Variants in MFSD12 observed in about 807,000 individuals in gnomAD.
MFSD12 encodes the protein major facilitator superfamily domain containing 12, also known as major facilitator superfamily domain-containing protein 12.
Under a neutral mutation model 51.2 loss-of-function variants are expected in MFSD12, and 67 were observed. That is an observed-to-expected ratio of 1.31 (90% CI 1.08 to 1.60). The LOEUF (loss-of-function observed/expected upper bound fraction) is 1.60, where lower values mean the gene tolerates loss of function less well. Ranked by LOEUF, MFSD12 falls within the 40% of genes most tolerant of loss-of-function variation. MFSD12 has a pLI of 0.00. For synonymous variants in MFSD12, 441 were observed against 316.7 expected (o/e 1.39, Z -4.17); for missense variants, 921 against 673.0 (o/e 1.37, Z -4.08).
At chr19:3,548,804 A>T (rs2031280893) in intron 2 of MFSD12, among the ~76,000 whole-genome samples, 1 of 152,210 alleles carries the variant, frequency 6.6e-6, no homozygotes, top group South Asian at 2.1e-4. Flanking sequence ...AATGGCACGT[A>T]GGAAGTGCCT....
Position 3,547,994 on chromosome 19 carries a change from A to G in MFSD12, c.691T>C (p.Phe231Leu). 6.3e-7 allele frequency: 1 copy of G among 1,598,926 alleles called. No homozygotes were observed. The highest frequency in any genetic ancestry group is 8.5e-7 in the Non-Finnish European group (1 of 1,179,344). The change falls in exon 4 of 10, where the codon TTC becomes CTC. Residue 231 changes from phenylalanine (F) to leucine (L), a missense_variant. Phe to Leu is a conservative substitution (Grantham distance 22, BLOSUM62 0). Coordinates refer to ENST00000355415, the MANE Select transcript of MFSD12 (RefSeq NM_174983.5). ...GTGCCCAGGTGGAATAGCAGTGAGA[A>G]CACGGCGCCGACACCCACCACCAGC... ...SLLVVGVGAV[F>L]SLLFHLGTRE...
At chr19:3,544,769 G>A (rs370237600) in intron 9 of MFSD12, 37 bp from the exon 10 acceptor site, 7 of 1,608,364 alleles carry the variant, frequency 4.4e-6, no homozygotes, top group Admixed American at 3.4e-5. Context: ...TAGAGAGTGT[G>A]GGTCAGTGTC....
At chr19:3,547,091 G>A (rs906326825) in intron 6 of MFSD12, among the ~76,000 whole-genome samples, 181 bp downstream of exon 6, 1 of 152,296 alleles carries the variant, frequency 6.6e-6, no homozygotes, top group South Asian at 2.1e-4. Flanking sequence ...GCCCGCCTCG[G>A]CCTCCCAAAG....
chr19:3,538,692 C>T (rs1026788253), exon 5 of MFSD12: 8 of 473,076 alleles, frequency 1.7e-5, no homozygotes, highest in African/African-American at 6.0e-5. Context: ...ACTGGGTGTT[C>T]GGTGTTCTCC....
downstream of MFSD12, chr19:3,541,839 C>T (rs1181226484): frequency 4.3e-5 from 42 of 970,442 alleles, no homozygotes; most frequent in East Asian, 1.1e-4. Flanking sequence ...GACAGAGTCT[C>T]GCTCTCTCAC....
chr19:3,556,292 G>A (rs1471542027), intron 1 of MFSD12, among the ~76,000 whole-genome samples: 1 of 152,234 alleles, frequency 6.6e-6, no homozygotes, highest in Non-Finnish European at 1.5e-5. Flanking sequence ...GACAAAGGAG[G>A]CGCTGAGCAG....
rs747397118 is a variant in MFSD12 at position 3,547,924 on chromosome 19, G to C, written c.761C>G (p.Thr254Ser). 2.5e-6 allele frequency: 4 copies of C among 1,584,834 alleles called. No homozygotes were observed. In the Admixed American group the frequency reaches 5.8e-5, roughly 23 times the overall value. ...RPHAEEPGEH[T>S]PLLAPATAQP... ...GGCCGTGGCAGGGGCCAACAGGGGG[G>C]TGTGCTCGCCTGGCTCCTCCGCATG... The change falls in exon 4 of 10, where the codon ACC becomes AGC. Residue 254 changes from threonine (T) to serine (S), a missense_variant. By Grantham distance (58) the Thr-to-Ser change is moderately conservative (BLOSUM62 1). Coordinates refer to ENST00000355415, the MANE Select transcript of MFSD12 (RefSeq NM_174983.5).
At chr19:3,555,545 C>T (rs1474820215) in intron 1 of MFSD12, among the ~76,000 whole-genome samples, 3 of 152,230 alleles carry the variant, frequency 2.0e-5, no homozygotes, top group Non-Finnish European at 2.9e-5. Flanking sequence ...TGTCTGCCGC[C>T]GCCTCAGGTA....
At chr19:3,557,007 A>G (rs1715092) in intron 1 of MFSD12, 99 bp downstream of exon 1, 566,953 of 1,036,310 alleles carry the variant, frequency 0.55, 159,602 homozygotes, top group East Asian at 0.82. Flanking sequence ...TCCGATCCTG[A>G]GGCAGGCAGA....
chr19:3,556,814 G>C (rs75653999), intron 1 of MFSD12, among the ~76,000 whole-genome samples: 2,438 of 150,182 alleles, frequency 0.016, 60 homozygotes, highest in African/African-American at 0.056. Flanking sequence ...CTGGGTGGTG[G>C]GACTGATGGA....
chr19:3,543,961 C>T (rs776832366), downstream of MFSD12: 40 of 1,550,380 alleles, frequency 2.6e-5, no homozygotes, highest in Non-Finnish European at 3.0e-5. Context: ...CCATACTGCC[C>T]CTCCACCTGC....
At chr19:3,549,239 A>G (rs931317417) in intron 2 of MFSD12, among the ~76,000 whole-genome samples, 1 of 152,168 alleles carries the variant, frequency 6.6e-6, no homozygotes, top group African/African-American at 2.4e-5. Context: ...CAGGTGTAAT[A>G]GAAAGAATTC....
downstream of MFSD12, chr19:3,541,509 G>C (rs974775346): frequency 4.6e-6 from 1 of 217,486 alleles, no homozygotes; most frequent in Non-Finnish European, 7.8e-6. Context: ...TTTTAGTAGA[G>C]ACAGTGTTTC....
chr19:3,539,189 CA>C (rs1296422415), intron 4 of MFSD12: 1 of 1,550,430 alleles, frequency 6.4e-7, no homozygotes, highest in African/African-American at 1.4e-5. Flanking sequence ...TGCAAACCCT[CA>C]GGCAAGAGGC....
chr19:3,548,861 G>C (rs1161933270), intron 2 of MFSD12, among the ~76,000 whole-genome samples: 2 of 152,220 alleles, frequency 1.3e-5, no homozygotes, highest in Non-Finnish European at 2.9e-5. Context: ...CCTGGGCATT[G>C]GGCAACCTGT....
chr19:3,538,992 C>T, intron 4 of MFSD12: 1 of 629,948 alleles, frequency 1.6e-6, no homozygotes, highest in East Asian at 2.7e-5. Flanking sequence ...CTTGCCCACC[C>T]ACACTGTGTC....
At position 3,551,038 on chromosome 19, in the gene MFSD12, A is replaced by T; in HGVS notation, c.455T>A (p.Leu152His). The T allele has an allele frequency of 1.9e-6, 3 of 1,612,894 alleles. No individual in the cohort carries two copies. The highest frequency in any genetic ancestry group is 2.5e-6 in the Non-Finnish European group (3 of 1,179,990). The change falls in exon 2 of 10, where the codon CTC becomes CAC. Residue 152 changes from leucine to histidine, a missense_variant. Physicochemically the swap from Leu to His is moderately conservative, Grantham distance 99. Transcript: ENST00000355415. This position sits in a 1 kb window ranked among gnomAD's most constrained non-coding sequence, Gnocchi z 4.6. The part of the protein sequence containing the change: ...WASTQISHLS[L>H]IPELVTNDHE... ...GTCGTTGGTGACGAGCTCCGGGATGAGGCTGAGGTGGGAGATCTGTGTGGA... is the reference window on the plus strand; with the variant it reads ...GTCGTTGGTGACGAGCTCCGGGATGTGGCTGAGGTGGGAGATCTGTGTGGA...
chr19:3,539,186 C>G (rs1359845700), intron 4 of MFSD12: 1 of 1,550,438 alleles, frequency 6.4e-7, no homozygotes, highest in East Asian at 2.4e-5. Flanking sequence ...ACATGCAAAC[C>G]CTCAGGCAAG....
downstream of MFSD12, chr19:3,543,180 G>A (rs1274368936): frequency 3.9e-5 from 59 of 1,526,240 alleles, no homozygotes; most frequent in East Asian, 1.4e-3. Context: ...TCGCAAAGGG[G>A]TCAAAGCACT....
Sources: allele counts gnomAD v4.1 joint callset (sites outside exome capture counted in the v4.1 genomes callset), GRCh38; gene constraint gnomAD v4.1.1; non-coding constraint Gnocchi (gnomAD v3.1); transcripts MANE v1.5; gene names NCBI Gene and HGNC (gene_info 2026-07-23, HGNC 2026-07-21).